The following IL34 variants were observed in gnomAD, a reference collection of about 807,000 sequenced individuals.
IL34 encodes interleukin-34.
IL34 carries 17 observed loss-of-function variants against 25.3 expected under a neutral mutation model. The ratio of observed to expected loss-of-function variants is 0.67; its 90% CI spans 0.46 to 1.01. The LOEUF (loss-of-function observed/expected upper bound fraction) is 1.01, where lower values mean the gene tolerates loss of function less well. Ranked by LOEUF, IL34 falls within the 50% of genes least tolerant of loss-of-function variation. The pLI is 0.00. For missense variants in IL34, 368 were observed against 312.9 expected (o/e 1.18, Z -1.33); for synonymous variants, 174 against 140.9 (o/e 1.23, Z -1.66).
intron 1 of IL34, among the ~76,000 whole-genome samples, chr16:70,653,517 G>A (rs1448728562): frequency 6.6e-6 from 1 of 152,034 alleles, no homozygotes; most frequent in Non-Finnish European, 1.5e-5. Context: ...TGGCCAACAT[G>A]GCGATACCAG....
At chr16:70,640,223 C>T (rs990679809) in intron 1 of IL34, among the ~76,000 whole-genome samples, 2 of 152,100 alleles carry the variant, frequency 1.3e-5, no homozygotes, top group African/African-American at 4.8e-5. Flanking sequence ...CTCACTGCAG[C>T]CTTGGCCTCC....
intron 1 of IL34, among the ~76,000 whole-genome samples, chr16:70,640,145 C>CTTTTG (rs1043145161): frequency 1.3e-5 from 2 of 151,930 alleles, no homozygotes; most frequent in Non-Finnish European, 2.9e-5. Flanking sequence ...GTTTTGTTTT[C>CTTTTG]TTTTGTTTTG....
upstream of IL34, among the ~76,000 whole-genome samples, chr16:70,643,446 C>T (rs990750951): frequency 1.3e-5 from 2 of 152,218 alleles, no homozygotes; most frequent in African/African-American, 4.8e-5. Context: ...TCATGGTTCA[C>T]TGCAGCCTTG....
intron 1 of IL34, among the ~76,000 whole-genome samples, chr16:70,615,333 C>T (rs1471232010): frequency 6.6e-6 from 1 of 151,784 alleles, no homozygotes; most frequent in African/African-American, 2.4e-5. Flanking sequence ...ATGGTGAAAC[C>T]CCGTCTCTAC....
intron 4 of IL34, 103 bp from the exon 5 acceptor site, chr16:70,659,512 CCTT>C (rs2052327486): frequency 1.0e-5 from 14 of 1,379,040 alleles, no homozygotes; most frequent in Non-Finnish European, 1.4e-5. Flanking sequence ...GAAGTCTGGT[CCTT>C]CTTCCGGGGT....
At chr16:70,643,654 T>G (rs1209768883), upstream of IL34, among the ~76,000 whole-genome samples, 1 of 152,198 alleles carries the variant, frequency 6.6e-6, no homozygotes, top group Non-Finnish European at 1.5e-5. Context: ...GGATTACAAG[T>G]GTGAGCCATC....
chr16:70,660,035 G>A lies in IL34; in HGVS notation c.577G>A (p.Val193Met). The A allele has an allele frequency of 6.2e-7, 1 of 1,611,138 alleles. No homozygotes were observed. The highest frequency in any genetic ancestry group is 8.5e-7 in the Non-Finnish European group (1 of 1,178,924). ...SSVLNWQDCE[V>M]PSPQSCSPEP... ...CGTCCTAAACTGGCAGGACTGTGAGGTGCCAAGTCCTCAGTCTTGCAGCCC... is the reference window on the plus strand; with the variant it reads ...CGTCCTAAACTGGCAGGACTGTGAGATGCCAAGTCCTCAGTCTTGCAGCCC... The change falls in exon 6 of 6, where the codon GTG (valine) becomes ATG (methionine). Residue 193 changes from valine (V) to methionine (M), a missense_variant. Transcript: ENST00000288098.
intron 1 of IL34, among the ~76,000 whole-genome samples, chr16:70,599,265 G>GTTTC (rs748787068): frequency 0.029 from 4,017 of 139,156 alleles, 159 homozygotes; most frequent in African/African-American, 0.062. Context: ...GTCAAGAACT[G>GTTTC]TTTCTTTCTT....
chr16:70,591,461 C>T (rs935052288), intron 1 of IL34, among the ~76,000 whole-genome samples: 1 of 151,614 alleles, frequency 6.6e-6, no homozygotes, highest in South Asian at 2.1e-4. Context: ...CCCAGCTACT[C>T]AGGAGGCTGA....
intron 1 of IL34, among the ~76,000 whole-genome samples, chr16:70,626,537 C>T (rs1176001391): frequency 1.3e-5 from 2 of 152,144 alleles, no homozygotes; most frequent in African/African-American, 2.4e-5. Flanking sequence ...GCTGGGATTA[C>T]AGGCATGCGC....
chr16:70,628,016 C>T (rs910905259), intron 1 of IL34, among the ~76,000 whole-genome samples: 21 of 152,182 alleles, frequency 1.4e-4, no homozygotes, highest in Admixed American at 1.4e-3. Context: ...TACTGCCAAA[C>T]TGTTCTCCAA....
chr16:70,594,428 A>G (rs1040797976), intron 1 of IL34, among the ~76,000 whole-genome samples: 1 of 152,132 alleles, frequency 6.6e-6, no homozygotes, highest in African/African-American at 2.4e-5. Context: ...TGCATACAGT[A>G]AAAACATTCA....
At chr16:70,620,455 G>GATT (rs199808539) in intron 1 of IL34, among the ~76,000 whole-genome samples, 97,551 of 151,142 alleles carry the variant, frequency 0.65, 33,636 homozygotes, top group African/African-American at 0.9. Context: ...GTGATAAAAA[G>GATT]ATAGGGTGGA....
intron 1 of IL34, among the ~76,000 whole-genome samples, chr16:70,617,881 G>A (rs1384102562): frequency 2.6e-5 from 4 of 151,228 alleles, no homozygotes; most frequent in Admixed American, 6.6e-5. Context: ...AAATGACTGC[G>A]GTGGCCTTCT....
In IL34 at chr16:70,660,500, C is replaced by T. The variant is rs543770227; in HGVS notation, c.*313C>T. 5.7e-5 allele frequency: 16 copies of T among 281,522 alleles called. No homozygotes were observed. The South Asian group carries it at 5.9e-4, about 10-fold the overall frequency. 17.4% of individuals were successfully genotyped at this position (281,522 alleles called of 1,614,324 possible). A position where few individuals can be genotyped will look rare whatever the true frequency, so the allele number is the denominator to read the frequency against. ...AGGGGGTACTGAGCCTCCTGTGGCC[C>T]GCAGCAGTGAGGGCACAGCTGTGGG... On this transcript the variant is annotated 3_prime_UTR_variant, in exon 6 of 6. Transcript: ENST00000288098.
chr16:70,599,559 G>A (rs2050885062), intron 1 of IL34, among the ~76,000 whole-genome samples: 1 of 151,020 alleles, frequency 6.6e-6, no homozygotes. Flanking sequence ...GTAGAGACGG[G>A]GTTTCGCCAT....
In IL34 at chr16:70,617,909, G is replaced by T. The variant is rs1306503507; in HGVS notation, c.-400-28639G>T. 2.0e-5 allele frequency among the ~76,000 whole-genome samples: 3 copies of T among 152,014 alleles called. No individual in the cohort carries two copies. In the South Asian group the frequency reaches 6.2e-4, roughly 32 times the overall value. On this transcript the variant is annotated intron_variant, in intron 1 of 6. Coordinates refer to the IL34 transcript ENST00000429149. Reference sequence around the variant, plus strand: ...GGCCTTCTCAGACCCTGTAGGAAAGGCCTCTACCTATCCAGTGAAAGTATC... The same window carrying T: ...GGCCTTCTCAGACCCTGTAGGAAAGTCCTCTACCTATCCAGTGAAAGTATC...
chr16:70,652,729 C>A (rs1389698507), intron 1 of IL34, among the ~76,000 whole-genome samples: 1 of 152,008 alleles, frequency 6.6e-6, no homozygotes, highest in African/African-American at 2.4e-5. Context: ...GCTTTTCTTC[C>A]AATTTATTCC....
At chr16:70,656,175 C>T (rs1417164491) in intron 2 of IL34, among the ~76,000 whole-genome samples, 3 of 152,198 alleles carry the variant, frequency 2.0e-5, no homozygotes, top group Non-Finnish European at 2.9e-5. Flanking sequence ...GAGCCAGGCA[C>T]ACCTCTCTGC....
Sources: allele counts gnomAD v4.1 joint callset (sites outside exome capture counted in the v4.1 genomes callset), GRCh38; gene constraint gnomAD v4.1.1; transcripts MANE v1.5; gene names NCBI Gene and HGNC (gene_info 2026-07-23, HGNC 2026-07-21).